Variants in ABCA3 observed in about 807,000 individuals in gnomAD.
ABCA3 encodes phospholipid-transporting ATPase ABCA3.
A neutral mutation model predicts 172.8 loss-of-function variants in ABCA3; 88 were observed. That is an observed-to-expected ratio of 0.51 (90% CI 0.43 to 0.61). The LOEUF (loss-of-function observed/expected upper bound fraction) is 0.61. Among genes scored for constraint, ABCA3 ranks in the 20% least tolerant of loss-of-function variants. The pLI is 0.00. For missense variants in ABCA3, 2,164 were observed against 2,301.0 expected, an observed-to-expected ratio of 0.94 and a Z score of 1.22; for synonymous variants, 1,066 against 983.8, an observed-to-expected ratio of 1.08 and a Z score of -1.56.
chr16:2,339,235 A>C (rs1226735202), intron 1 of ABCA3: 2 of 152,202 alleles, frequency 1.3e-5, no homozygotes, highest in Non-Finnish European at 2.9e-5. Context: ...GGCTCCCATG[A>C]GACTGCCTGG....
intron 10 of ABCA3, among the ~76,000 whole-genome samples, chr16:2,312,234 C>T (rs1183754974): frequency 1.3e-5 from 2 of 152,176 alleles, no homozygotes; most frequent in Non-Finnish European, 2.9e-5. Flanking sequence ...AAAAGACAGG[C>T]TCCTACTGGA....
At chr16:2,335,702 C>T (rs1397911775) in intron 1 of ABCA3, among the ~76,000 whole-genome samples, 1 of 152,180 alleles carries the variant, frequency 6.6e-6, no homozygotes, top group Admixed American at 6.5e-5. Context: ...CACCACAAGT[C>T]TACTTTAAGC....
rs1354183880 is a variant in ABCA3, at chr16:2,317,410, G to A, written c.991-7C>T. ...CGGCTACATTTGGCTTCACCTGCAG[G>A]GCACAGGCATGAGTCGGGCGTGGTG... On this transcript the variant is annotated splice_region_variant and splice_polypyrimidine_tract_variant and intron_variant, in intron 9 of 32. Coordinates refer to ENST00000301732, the MANE Select transcript of ABCA3 (RefSeq NM_001089.3). 6.2e-7 allele frequency: 1 copy of A among 1,613,464 alleles called. No homozygotes were observed. The highest frequency in any genetic ancestry group is 1.3e-5 in the African/African-American group (1 of 74,904).
At chr16:2,299,845 C>T (rs140438779) in intron 13 of ABCA3, among the ~76,000 whole-genome samples, 160 bp downstream of exon 13, 70 of 152,232 alleles carry the variant, frequency 4.6e-4, no homozygotes, top group Non-Finnish European at 7.8e-4. Flanking sequence ...CCTGGGGAAC[C>T]GGTTAGAGGG....
At chr16:2,299,834 C>A (rs2093686112) in intron 13 of ABCA3, among the ~76,000 whole-genome samples, 171 bp downstream of exon 13, 1 of 152,128 alleles carries the variant, frequency 6.6e-6, no homozygotes, top group African/African-American at 2.4e-5. Context: ...GTGGTCTGTG[C>A]CCTGGGGAAC....
Position 2,324,529 on chromosome 16 carries a change from G to A in ABCA3, c.322C>T (p.Arg108Cys). 3.1e-6 allele frequency: 5 copies of A among 1,609,212 alleles called. No homozygotes were observed. Among genetic ancestry groups the A allele is most frequent in the Non-Finnish European group, 4.2e-6 (5 of 1,179,942 alleles). Reference protein sequence around the residue: ...RRALVINMRVRGFPSEKDFED... With the variant: ...RRALVINMRVCGFPSEKDFED... The stretch of plus-strand genomic sequence containing the variant: ...AAGTCCTTCTCGGAGGGAAAGCCGC[G>A]CACTGCAAAGAGAGAGCACGGGAGC... The change falls in exon 6 of 33, where the codon CGC becomes TGC. Residue 108 changes from arginine to cysteine, a missense_variant and splice_region_variant. This residue lies in a region of ABCA3 where 1,343 missense variants were observed against 1,369.6 expected (regional missense o/e 0.98). Coordinates refer to ENST00000301732, the MANE Select transcript of ABCA3 (RefSeq NM_001089.3).
In ABCA3 at chr16:2,319,292, T is replaced by C. The variant is rs1161992436; in HGVS notation, c.873+289A>G. 3.3e-5 allele frequency among the ~76,000 whole-genome samples: 5 copies of C among 152,110 alleles called. 1 individual carries two copies. The highest frequency in any genetic ancestry group is 1.3e-4 in the Admixed American group (2 of 15,266). On this transcript the variant is annotated intron_variant, in intron 8 of 32. Coordinates refer to ENST00000301732, the MANE Select transcript of ABCA3 (RefSeq NM_001089.3). Reference sequence around the variant, plus strand: ...CAAGGTCAGGAGATTGAGACCATCCTGGCTAACACGGTGAAACCACGTCTC... The same window carrying C: ...CAAGGTCAGGAGATTGAGACCATCCCGGCTAACACGGTGAAACCACGTCTC...
chr16:2,333,977 C>T (rs1251426392), intron 1 of ABCA3, among the ~76,000 whole-genome samples: 1 of 152,218 alleles, frequency 6.6e-6, no homozygotes, highest in Non-Finnish European at 1.5e-5. Flanking sequence ...CAGGCATGAG[C>T]CACCACGCCT....
At chr16:2,306,577 G>A (rs1207145442) in intron 11 of ABCA3, among the ~76,000 whole-genome samples, 1 of 152,166 alleles carries the variant, frequency 6.6e-6, no homozygotes, top group Non-Finnish European at 1.5e-5. Context: ...TCATGTGTTG[G>A]AGACTTGACC....
At chr16:2,313,292 C>T (rs548643930) in intron 10 of ABCA3, among the ~76,000 whole-genome samples, 12 of 152,126 alleles carry the variant, frequency 7.9e-5, no homozygotes, top group African/African-American at 2.2e-4. Context: ...TGGTAGCTCA[C>T]GCCTATAATC....
chr16:2,319,615 CG>C lies in ABCA3; in HGVS notation c.838del (p.Arg280ValfsTer11), dbSNP rs1567352130. 6.2e-7 allele frequency: 1 copy of C among 1,613,054 alleles called. No individual in the cohort carries two copies. The highest frequency in any genetic ancestry group is 1.3e-5 in the African/African-American group (1 of 74,890). ...SFTYTALTIA[R>X]AVVQEKERRL... ...CCTTTCCTTCTCCTGCACGACAGCACGGGCAATGGTGAGCGCGGTGTAGGTG... is the reference window on the plus strand; with the variant it reads ...CCTTTCCTTCTCCTGCACGACAGCACGGCAATGGTGAGCGCGGTGTAGGTG... On this transcript the variant is annotated frameshift_variant, in exon 8 of 33. Coordinates refer to ENST00000301732, the MANE Select transcript of ABCA3 (RefSeq NM_001089.3). LOFTEE classifies it high-confidence loss of function.
Position 2,278,678 on chromosome 16 carries a change from A to G in ABCA3, c.4548-220T>C, listed in dbSNP as rs1023769385. 5.9e-5 allele frequency among the ~76,000 whole-genome samples: 9 copies of G among 152,296 alleles called. No individual in the cohort carries two copies. The highest frequency in any genetic ancestry group is 2.2e-4 in the African/African-American group (9 of 41,564). On this transcript the variant is annotated intron_variant, in intron 29 of 32. Transcript: ENST00000301732. The surrounding 1 kb of genome is among the most constrained non-coding windows in gnomAD (Gnocchi z 4.4). ...CCAGGGGCCCGGTGCACGCACCTAC[A>G]TGGGAAGACATCTGCCTGCACCTAA...
chr16:2,285,727 C>T lies in ABCA3; in HGVS notation c.3279-81G>A. On this transcript the variant is annotated intron_variant, in intron 22 of 32. Transcript: ENST00000301732. The surrounding 1 kb of genome is among the most constrained non-coding windows in gnomAD (Gnocchi z 4.7). ...AGGTCGGGTTCTCGGTTATGACCGC[C>T]CAAGGCATGCAGGGCAGCAGCCCAA... 8 of 1,405,186 alleles carry T rather than the reference C, an allele frequency of 5.7e-6. No individual in the cohort carries two copies. The Admixed American group carries it at 1.2e-4, about 21-fold the overall frequency. The allele number at this position is 1,405,186 out of a possible 1,614,324, so 87.0% of individuals were successfully genotyped here.
Position 2,340,700 on chromosome 16 carries a change from AG to A in ABCA3, c.-667del, listed in dbSNP as rs1480430759. 1 of 150,240 alleles carries A rather than the reference AG, an allele frequency of 6.7e-6. No individual in the cohort carries two copies. The highest frequency in any genetic ancestry group is 1.9e-4 in the East Asian group (1 of 5,136). 9.3% of individuals were successfully genotyped at this position (150,240 alleles called of 1,614,324 possible). ...ACTGACAGCTGCGTGGCCGCCCTGG[AG>A]GGGAGGGTGCGCCTGCAACCCGCTA... On this transcript the variant is annotated 5_prime_UTR_variant, in exon 1 of 33. Transcript: ENST00000301732.
In ABCA3 at chr16:2,302,154, T is replaced by C. The variant is rs560825858; in HGVS notation, c.1467+1815A>G. Among the ~76,000 whole-genome samples, 25 of 152,350 alleles carry C rather than the reference T, an allele frequency of 1.6e-4. No homozygotes were observed. The South Asian group carries it at 4.8e-3, about 29-fold the overall frequency. ...ATGACTGGTTTGCTGTTAATAAATATGTGGGTAAATCTCTGTTCGGGGCTC... is the reference window on the plus strand; with the variant it reads ...ATGACTGGTTTGCTGTTAATAAATACGTGGGTAAATCTCTGTTCGGGGCTC... On this transcript the variant is annotated intron_variant, in intron 12 of 32. Transcript: ENST00000301732.
chr16:2,315,324 A>C (rs962585128), intron 10 of ABCA3, among the ~76,000 whole-genome samples: 1 of 152,178 alleles, frequency 6.6e-6, no homozygotes, highest in Admixed American at 6.6e-5. Flanking sequence ...CGAAATGTTC[A>C]TAAAGAAAAA....
At chr16:2,320,306 GC>G (rs1175321288) in intron 7 of ABCA3, among the ~76,000 whole-genome samples, 1 of 149,890 alleles carries the variant, frequency 6.7e-6, no homozygotes, top group East Asian at 2.0e-4. Flanking sequence ...CACCGTGTTA[GC>G]CAGGATGGTC....
intron 5 of ABCA3, among the ~76,000 whole-genome samples, chr16:2,325,162 C>G (rs1355557024): frequency 6.6e-6 from 1 of 152,182 alleles, no homozygotes; most frequent in African/African-American, 2.4e-5. Flanking sequence ...GCTTTCTCAT[C>G]ACTGTTTTCA....
Position 2,278,541 on chromosome 16 carries a change from A to G in ABCA3, c.4548-83T>C, listed in dbSNP as rs890861134. ...ATGTCCCAGTGGAGGCCCGTGTCCCAGCAGCGGCCCACACCCAGCAATTGC... is the reference window on the plus strand; with the variant it reads ...ATGTCCCAGTGGAGGCCCGTGTCCCGGCAGCGGCCCACACCCAGCAATTGC... On this transcript the variant is annotated intron_variant, in intron 29 of 32. Transcript: ENST00000301732. The surrounding 1 kb of genome is among the most constrained non-coding windows in gnomAD (Gnocchi z 4.4). 3 of 1,542,538 alleles carry G rather than the reference A, an allele frequency of 1.9e-6. No homozygotes were observed. Among genetic ancestry groups the G allele is most frequent in the Non-Finnish European group, 2.6e-6 (3 of 1,132,496 alleles).
Sources: gnomAD v4.1 joint callset for allele counts (sites outside exome capture counted in the v4.1 genomes callset) on GRCh38, gnomAD v4.1.1 for gene constraint, gnomAD v4.1.1 regional missense constraint, Gnocchi (gnomAD v3.1) non-coding constraint, MANE v1.5 for transcripts, NCBI Gene and HGNC (gene_info 2026-07-23, HGNC 2026-07-21) for gene names.